Variants in STARD13 observed in about 807,000 individuals in gnomAD.
STARD13 encodes StAR related lipid transfer domain containing 13.
Under a neutral mutation model 106.4 loss-of-function variants are expected in STARD13, and 62 were observed. That is an observed-to-expected ratio of 0.58 (90% CI 0.48 to 0.72). The LOEUF is 0.72. Ranked by LOEUF, STARD13 falls within the 30% of genes least tolerant of loss-of-function variation. The pLI, the probability that STARD13 is intolerant of heterozygous loss-of-function variation, is 0.00. For synonymous variants in STARD13, 565 were observed against 553.0 expected, an observed-to-expected ratio of 1.02 and a Z score of -0.31; for missense variants, 1,387 against 1,424.0, an observed-to-expected ratio of 0.97 and a Z score of 0.42.
At chr13:33,354,236 G>A (rs1222124200), upstream of STARD13, among the ~76,000 whole-genome samples, 1 of 152,138 alleles carries the variant, frequency 6.6e-6, no homozygotes, top group Non-Finnish European at 1.5e-5. Context: ...AGCATAAAAA[G>A]AGTCCCATTT....
At chr13:33,504,358 A>G in the STARD13 span, among the ~76,000 whole-genome samples, 3 of 152,108 alleles carry the variant, frequency 2.0e-5, no homozygotes, top group Non-Finnish European at 4.4e-5. Flanking sequence ...ACCAACCCAA[A>G]TGTTCATCAA....
chr13:33,382,844 A>G, the STARD13 span, among the ~76,000 whole-genome samples: 1 of 152,214 alleles, frequency 6.6e-6, no homozygotes, highest in East Asian at 1.9e-4. Context: ...TGATTTAGCT[A>G]TTCTGTTGAT....
intron 12 of STARD13, 97 bp from the exon 13 acceptor site, chr13:33,107,031 A>T: frequency 8.3e-7 from 1 of 1,207,074 alleles, no homozygotes; most frequent in Non-Finnish European, 1.2e-6. Context: ...TCCTGCCAAC[A>T]ACCTGGGCTC....
chr13:33,199,483 T>C (rs1035069393), intron 1 of STARD13, among the ~76,000 whole-genome samples: 1 of 152,156 alleles, frequency 6.6e-6, no homozygotes, highest in Non-Finnish European at 1.5e-5. Flanking sequence ...AATAAGTGAA[T>C]GTCAGCAAAA....
intron 1 of STARD13, among the ~76,000 whole-genome samples, chr13:33,237,134 A>T (rs1313119488): frequency 1.3e-5 from 2 of 152,146 alleles, no homozygotes; most frequent in African/African-American, 4.8e-5. Context: ...CAAGGAATTC[A>T]GCTTTCTCCT....
At chr13:33,137,469 G>T (rs1458588617) in intron 4 of STARD13, among the ~76,000 whole-genome samples, 1 of 152,112 alleles carries the variant, frequency 6.6e-6, no homozygotes, top group Admixed American at 6.6e-5. Context: ...AGAGCTAAAG[G>T]GCTTCTGAGT....
chr13:33,221,342 T>C (rs951369200), intron 1 of STARD13, among the ~76,000 whole-genome samples: 1 of 152,234 alleles, frequency 6.6e-6, no homozygotes, highest in Non-Finnish European at 1.5e-5. Flanking sequence ...CATTTGTGAT[T>C]GGCTTATTTC....
At chr13:33,328,765 G>A (rs1284569829) in intron 1 of STARD13, among the ~76,000 whole-genome samples, 13 of 152,222 alleles carry the variant, frequency 8.5e-5, no homozygotes, top group Admixed American at 7.9e-4. Flanking sequence ...GTTATCAGTG[G>A]AGGTAGGCAT....
At chr13:33,663,464 T>C in the STARD13 span, among the ~76,000 whole-genome samples, 3 of 152,158 alleles carry the variant, frequency 2.0e-5, no homozygotes, top group Non-Finnish European at 4.4e-5. Flanking sequence ...ATAGTAATAG[T>C]ATGCAATCAA....
the STARD13 span, among the ~76,000 whole-genome samples, chr13:33,376,444 G>A: frequency 6.6e-6 from 1 of 152,062 alleles, no homozygotes; most frequent in Non-Finnish European, 1.5e-5. Context: ...AATTACAGCT[G>A]GGGCAGTGTC....
the STARD13 span, among the ~76,000 whole-genome samples, chr13:33,478,511 A>T: frequency 6.6e-6 from 1 of 152,226 alleles, no homozygotes; most frequent in African/African-American, 2.4e-5. Flanking sequence ...ATTCTGGTGT[A>T]TTATAAATAT....
chr13:33,119,071 A>G (rs1875846286), intron 7 of STARD13, among the ~76,000 whole-genome samples: 1 of 152,058 alleles, frequency 6.6e-6, no homozygotes, highest in Non-Finnish European at 1.5e-5. Context: ...AGTGGCCCTA[A>G]TGAGAATGAG....
chr13:33,657,094 C>T, the STARD13 span, among the ~76,000 whole-genome samples: 9 of 152,136 alleles, frequency 5.9e-5, no homozygotes, highest in Admixed American at 5.9e-4. Context: ...ACAGTGAAAC[C>T]CCATCTCTAC....
chr13:33,394,435 T>C, the STARD13 span, among the ~76,000 whole-genome samples: 1 of 152,222 alleles, frequency 6.6e-6, no homozygotes, highest in Non-Finnish European at 1.5e-5. Context: ...CTATCATATT[T>C]GACAGTGCAG....
At chr13:33,437,609 A>G in the STARD13 span, among the ~76,000 whole-genome samples, 1,355 of 152,340 alleles carry the variant, frequency 8.9e-3, 18 homozygotes, top group African/African-American at 0.03. Flanking sequence ...AGTTTAAATT[A>G]TTAATGATTT....
the STARD13 span, among the ~76,000 whole-genome samples, chr13:33,457,609 A>C: frequency 6.6e-6 from 1 of 152,170 alleles, no homozygotes; most frequent in Admixed American, 6.5e-5. Flanking sequence ...CTCATAAACA[A>C]ACTTCTTTCT....
chr13:33,417,908 A>G, the STARD13 span, among the ~76,000 whole-genome samples: 1 of 152,256 alleles, frequency 6.6e-6, no homozygotes, highest in Admixed American at 6.5e-5. Context: ...TACATTTTAA[A>G]TGGGTGTATT....
At chr13:33,525,930 T>C in the STARD13 span, among the ~76,000 whole-genome samples, 1 of 152,140 alleles carries the variant, frequency 6.6e-6, no homozygotes, top group Non-Finnish European at 1.5e-5. Context: ...TTTTTGACAT[T>C]TATTCAACAC....
intron 1 of STARD13, among the ~76,000 whole-genome samples, chr13:33,334,253 GA>G (rs1252545782): frequency 1.3e-5 from 2 of 152,198 alleles, no homozygotes; most frequent in Non-Finnish European, 2.9e-5. Context: ...TTATACAGCA[GA>G]GGGTGAAAGA....
Sources: allele counts gnomAD v4.1 joint callset (sites outside exome capture counted in the v4.1 genomes callset), GRCh38; gene constraint gnomAD v4.1.1; transcripts MANE v1.5; gene names NCBI Gene and HGNC (gene_info 2026-07-23, HGNC 2026-07-21).